Variants in SHTN1 observed in about 807,000 individuals in gnomAD.
SHTN1 encodes shootin-1.
SHTN1 carries 42 observed loss-of-function variants against 83.1 expected under a neutral mutation model. The ratio of observed to expected loss-of-function variants is 0.51; its 90% CI spans 0.39 to 0.65. The LOEUF (loss-of-function observed/expected upper bound fraction) is 0.65, where lower values mean the gene tolerates loss of function less well. Ranked by LOEUF, SHTN1 falls within the 30% of genes least tolerant of loss-of-function variation. The pLI is 0.00. For missense variants in SHTN1, 622 were observed against 737.8 expected (o/e 0.84, Z 1.82); for synonymous variants, 224 against 247.7 (o/e 0.90, Z 0.90).
intron 2 of SHTN1, among the ~76,000 whole-genome samples, chr10:117,030,209 T>C (rs1234963130): frequency 6.6e-6 from 1 of 152,102 alleles, no homozygotes; most frequent in Non-Finnish European, 1.5e-5. Flanking sequence ...AATTACCTAG[T>C]CTCAGGTATT....
chr10:117,003,936 C>T (rs1005818677), intron 1 of SHTN1, among the ~76,000 whole-genome samples: 1 of 151,714 alleles, frequency 6.6e-6, no homozygotes, highest in Non-Finnish European at 1.5e-5. Flanking sequence ...TTCTTGTTGC[C>T]CAGGCTGGAG....
chr10:116,887,937 G>T (rs1847216456), intron 16 of SHTN1, among the ~76,000 whole-genome samples: 1 of 152,210 alleles, frequency 6.6e-6, no homozygotes, highest in Non-Finnish European at 1.5e-5. Flanking sequence ...TAACCTGCAT[G>T]ACCCGGTCAC....
chr10:117,089,786 A>G (rs1236581147), intron 1 of SHTN1, among the ~76,000 whole-genome samples: 2 of 152,180 alleles, frequency 1.3e-5, no homozygotes, highest in African/African-American at 4.8e-5. Context: ...AAGGAATTGA[A>G]TAGACATTTC....
Position 116,928,953 on chromosome 10 carries a change from T to C in SHTN1, c.1012+896A>G, listed in dbSNP as rs1008621205. On this transcript the variant is annotated intron_variant, in intron 10 of 16. Transcript: ENST00000355371. ...TATTTCCAGTGTCTGCCTCCTCTATTCATAATAAAGATGGCTTTGGCTACA... is the reference window on the plus strand; with the variant it reads ...TATTTCCAGTGTCTGCCTCCTCTATCCATAATAAAGATGGCTTTGGCTACA... Among the ~76,000 whole-genome samples the C allele has an allele frequency of 2.6e-5, 4 of 152,328 alleles. No individual in the cohort carries two copies. The East Asian group carries it at 7.7e-4, about 29-fold the overall frequency.
chr10:117,065,724 A>AT lies in SHTN1; in HGVS notation c.-188-17215_-188-17214insA, dbSNP rs1564947121. ...CAAAGCGAGAGAGAGAGAGAGAGAG[A>AT]GATGAAAGAAAGAAAGAAAGAAAGA... On this transcript the variant is annotated intron_variant, in intron 1 of 17. Coordinates refer to the SHTN1 transcript ENST00000392901. Among the ~76,000 whole-genome samples, 12 of 31,978 alleles carry AT rather than the reference A, an allele frequency of 3.8e-4. 4 individuals carry two copies. The highest frequency in any genetic ancestry group is 1.2e-3 in the Non-Finnish European group (10 of 8,544). The allele number at this position is 31,978 out of a possible 152,430, so 21.0% of individuals were successfully genotyped here.
intron 2 of SHTN1, among the ~76,000 whole-genome samples, chr10:117,042,124 A>G (rs1852592183): frequency 1.3e-5 from 2 of 152,218 alleles, no homozygotes; most frequent in African/African-American, 2.4e-5. Flanking sequence ...GTTTTGTAAC[A>G]TATCTGCCAT....
intron 1 of SHTN1, among the ~76,000 whole-genome samples, chr10:117,101,956 T>A (rs1332784786): frequency 6.7e-6 from 1 of 148,900 alleles, no homozygotes; most frequent in Non-Finnish European, 1.5e-5. Context: ...TTTAAAAAAA[T>A]TATAAATGGT....
chr10:117,112,490 C>T (rs1394632818), intron 1 of SHTN1, among the ~76,000 whole-genome samples: 2 of 152,160 alleles, frequency 1.3e-5, no homozygotes, highest in East Asian at 1.9e-4. Context: ...CCTTACAACG[C>T]TTTAAAATTT....
intron 1 of SHTN1, among the ~76,000 whole-genome samples, chr10:117,104,487 T>TCG (rs2133633045): frequency 6.6e-6 from 1 of 152,288 alleles, no homozygotes; most frequent in South Asian, 2.1e-4. Context: ...ATAGTAGCTC[T>TCG]CGGCCAGGCG....
intron 1 of SHTN1, among the ~76,000 whole-genome samples, chr10:117,096,834 T>C (rs963651269): frequency 1.3e-5 from 2 of 152,170 alleles, no homozygotes; most frequent in African/African-American, 2.4e-5. Flanking sequence ...GAAGGACACC[T>C]TGGTGTGAAA....
chr10:117,023,957 G>C (rs950987103), intron 2 of SHTN1: 1 of 152,744 alleles, frequency 6.5e-6, no homozygotes, highest in African/African-American at 2.4e-5. Flanking sequence ...AGCTTGAACA[G>C]AGTAATATGA....
At chr10:116,979,347 A>G in intron 1 of SHTN1, 39 bp from the exon 2 acceptor site, 2 of 1,573,442 alleles carry the variant, frequency 1.3e-6, no homozygotes, top group Non-Finnish European at 8.7e-7. Flanking sequence ...AACACTGTCA[A>G]AAGTTTACTG....
At chr10:116,988,095 A>G (rs1851287405) in intron 1 of SHTN1, among the ~76,000 whole-genome samples, 1 of 152,198 alleles carries the variant, frequency 6.6e-6, no homozygotes, top group Non-Finnish European at 1.5e-5. Flanking sequence ...GTGAGCCCTA[A>G]TGTAAATTAT....
At chr10:116,948,857 T>C (rs749312124) in intron 7 of SHTN1, 59 bp downstream of exon 7, 6 of 1,190,604 alleles carry the variant, frequency 5.0e-6, no homozygotes, top group African/African-American at 1.6e-5. Context: ...TGACACACAA[T>C]ATATGCAAAC....
intron 12 of SHTN1, among the ~76,000 whole-genome samples, chr10:116,917,473 T>G (rs1245555312): frequency 6.6e-6 from 1 of 152,178 alleles, no homozygotes; most frequent in Non-Finnish European, 1.5e-5. Flanking sequence ...CCAGCTAATT[T>G]TTGTATTTTT....
intron 16 of SHTN1, among the ~76,000 whole-genome samples, chr10:116,889,424 G>A (rs1455161386): frequency 6.6e-6 from 1 of 152,164 alleles, no homozygotes; most frequent in Non-Finnish European, 1.5e-5. Flanking sequence ...TGTTATCACT[G>A]AACTAGGCGC....
At chr10:117,102,199 G>T (rs1198903573) in intron 1 of SHTN1, among the ~76,000 whole-genome samples, 3 of 152,140 alleles carry the variant, frequency 2.0e-5, no homozygotes, top group Non-Finnish European at 4.4e-5. Context: ...AGAGCACCTG[G>T]TGTGACAGAG....
At chr10:117,090,239 A>C (rs78051762) in intron 1 of SHTN1, among the ~76,000 whole-genome samples, 2,761 of 152,334 alleles carry the variant, frequency 0.018, 96 homozygotes, top group African/African-American at 0.063. Flanking sequence ...AAAAGAAAGG[A>C]AATTCTGACA....
intron 1 of SHTN1, among the ~76,000 whole-genome samples, chr10:117,077,182 G>A (rs1307327408): frequency 1.3e-5 from 2 of 152,214 alleles, no homozygotes; most frequent in African/African-American, 4.8e-5. Context: ...TTCATAAGCA[G>A]AAAGTGTGGT....
Sources: allele counts gnomAD v4.1 joint callset (sites outside exome capture counted in the v4.1 genomes callset), GRCh38; gene constraint gnomAD v4.1.1; transcripts MANE v1.5; gene names NCBI Gene and HGNC (gene_info 2026-07-23, HGNC 2026-07-21).